Variants in DAAM1 observed in about 807,000 individuals in gnomAD.
The protein encoded by DAAM1 is dishevelled associated activator of morphogenesis 1.
A neutral mutation model predicts 130.0 loss-of-function variants in DAAM1; 52 were observed. The observed-to-expected ratio is 0.40, with a 90% CI of 0.32 to 0.50. DAAM1 has a LOEUF of 0.50. DAAM1 is among the 20% of genes least tolerant of loss of function. The pLI is 0.61. For missense variants in DAAM1, 1,134 were observed against 1,303.8 expected, an observed-to-expected ratio of 0.87 and a Z score of 2.01; for synonymous variants, 452 against 444.5, an observed-to-expected ratio of 1.02 and a Z score of -0.21.
rs533823944 is a variant in DAAM1, at chr14:59,194,906, C to G, written c.-38+6138C>G. Among the ~76,000 whole-genome samples, 14 of 152,310 alleles carry G rather than the reference C, an allele frequency of 9.2e-5. No individual in the cohort carries two copies. The South Asian group carries it at 2.3e-3, about 25-fold the overall frequency. On this transcript the variant is annotated intron_variant, in intron 1 of 24. Coordinates refer to ENST00000360909, the MANE Select transcript of DAAM1 (RefSeq NM_001270520.2). ...TGCGATTTCGTGACTTACAATAGAT[C>G]TTTTCCTTTTGGCTTAAAACTAGAT...
intron 1 of DAAM1, among the ~76,000 whole-genome samples, chr14:59,234,429 T>G (rs770670816): frequency 1.1e-4 from 17 of 152,190 alleles, no homozygotes; most frequent in Non-Finnish European, 2.5e-4. Flanking sequence ...GGCTCTCTGC[T>G]TGTCTATTGG....
At chr14:59,239,634 G>A (rs956876784) in intron 1 of DAAM1, among the ~76,000 whole-genome samples, 8 of 151,696 alleles carry the variant, frequency 5.3e-5, no homozygotes, top group East Asian at 1.9e-4. Context: ...TCCCCACCGC[G>A]CCCCCACCCC....
chr14:59,347,467 G>T, intron 16 of DAAM1, 72 bp from the exon 17 acceptor site: 1 of 1,394,124 alleles, frequency 7.2e-7, no homozygotes, highest in Non-Finnish European at 1.0e-6. Flanking sequence ...AGCAGCTGGG[G>T]TAGCAAAGTG....
chr14:59,353,849 T>G (rs1406278558), intron 18 of DAAM1, 27 bp from the exon 19 acceptor site: 2 of 1,606,078 alleles, frequency 1.2e-6, no homozygotes, highest in African/African-American at 1.3e-5. Context: ...TAAATGAATA[T>G]CAATTAGTAC....
At position 59,298,968 on chromosome 14, in the gene DAAM1, A is replaced by G. The variant is rs528963185; in HGVS notation, c.273+7662A>G. Among the ~76,000 whole-genome samples, 16 of 152,314 alleles carry G rather than the reference A, an allele frequency of 1.1e-4. No homozygotes were observed. In the South Asian group the frequency reaches 2.3e-3, roughly 22 times the overall value. On this transcript the variant is annotated intron_variant, in intron 3 of 24. Transcript: ENST00000360909. ...GAGGCAGCAGTAAGTAAATGTACTC[A>G]TAGGTTGAACCAAAACATTAGCTGT...
At chr14:59,352,665 T>C (rs1301472850) in intron 18 of DAAM1, 33 bp downstream of exon 18, 1 of 1,542,928 alleles carries the variant, frequency 6.5e-7, no homozygotes, top group Non-Finnish European at 8.9e-7. Context: ...TGTGAAGATG[T>C]CACTTCCCTT....
intron 1 of DAAM1, among the ~76,000 whole-genome samples, chr14:59,213,349 CAAAAAAAA>C (rs35496333): frequency 0.034 from 2,414 of 69,996 alleles, 38 homozygotes; most frequent in Non-Finnish European, 0.046. Context: ...CACAGCTTAC[CAAAAAAAA>C]AAAAAAAAAA....
At chr14:59,327,155 G>T (rs1885235605) in intron 12 of DAAM1, among the ~76,000 whole-genome samples, 164 bp downstream of exon 12, 1 of 151,896 alleles carries the variant, frequency 6.6e-6, no homozygotes, top group Admixed American at 6.6e-5. Flanking sequence ...CTTAAATTGA[G>T]CTATTTTAGT....
At position 59,344,888 on chromosome 14, in the gene DAAM1, G is replaced by T. The variant is rs569603445; in HGVS notation, c.2076-2651G>T. On this transcript the variant is annotated intron_variant, in intron 16 of 24. Transcript: ENST00000360909. ...TTTTCTTTTAAATGCAAAACAGAAG[G>T]ACTCAGCAGAACTACACCATAAAAT... 2.6e-5 allele frequency among the ~76,000 whole-genome samples: 4 copies of T among 152,102 alleles called. No homozygotes were observed. The South Asian group carries it at 8.3e-4, about 32-fold the overall frequency.
At chr14:59,226,562 C>G (rs1267600296) in intron 1 of DAAM1, among the ~76,000 whole-genome samples, 1 of 152,050 alleles carries the variant, frequency 6.6e-6, no homozygotes, top group East Asian at 1.9e-4. Flanking sequence ...GACATGATAC[C>G]AAGAGTGCAG....
At chr14:59,216,011 T>C (rs1888567659) in intron 1 of DAAM1, among the ~76,000 whole-genome samples, 1 of 152,162 alleles carries the variant, frequency 6.6e-6, no homozygotes, top group South Asian at 2.1e-4. Flanking sequence ...ATTCCATTCA[T>C]GCACCTTGCA....
intron 1 of DAAM1, among the ~76,000 whole-genome samples, chr14:59,244,972 C>T (rs985024540): frequency 2.6e-5 from 4 of 152,042 alleles, no homozygotes; most frequent in Non-Finnish European, 4.4e-5. Context: ...CCAGTGAAGA[C>T]TGGCTGTCCT....
chr14:59,291,229 C>A lies in DAAM1; in HGVS notation c.196C>A (p.Leu66Ile). 1 of 1,609,734 alleles carries A rather than the reference C, an allele frequency of 6.2e-7. No homozygotes were observed. ...TCTTTCTTCTCAGGATGAACTGGAC[C>A]TCACAGACAAACACAGAGAAGCCAT... The part of the protein sequence containing the change: ...MFSELVDELD[L>I]TDKHREAMFA... The change falls in exon 3 of 25, where the codon CTC becomes ATC. Residue 66 changes from leucine (L) to isoleucine (I), a missense_variant. Transcript: ENST00000360909.
intron 16 of DAAM1, 90 bp downstream of exon 16, chr14:59,340,270 G>T: frequency 8.1e-7 from 1 of 1,235,068 alleles, no homozygotes; most frequent in Non-Finnish European, 1.2e-6. Context: ...TGTTTTAATT[G>T]TACTCTGCTG....
chr14:59,306,397 T>C (rs1884382974), intron 3 of DAAM1, among the ~76,000 whole-genome samples: 1 of 152,180 alleles, frequency 6.6e-6, no homozygotes, highest in Admixed American at 6.5e-5. Flanking sequence ...GGAAAGCAAA[T>C]GCCTTTTTAG....
intron 10 of DAAM1, among the ~76,000 whole-genome samples, chr14:59,326,298 C>A (rs1240453867): frequency 6.6e-6 from 1 of 151,990 alleles, no homozygotes; most frequent in Non-Finnish European, 1.5e-5. Flanking sequence ...AAAAAATATG[C>A]CTTACAACCT....
chr14:59,204,159 G>A (rs538783381), intron 1 of DAAM1, among the ~76,000 whole-genome samples: 14 of 152,332 alleles, frequency 9.2e-5, no homozygotes, highest in Admixed American at 2.6e-4. Context: ...TGGCTTAGTA[G>A]TCTGCACATG....
intron 2 of DAAM1, among the ~76,000 whole-genome samples, chr14:59,279,135 A>T (rs1391262512): frequency 6.6e-6 from 1 of 152,084 alleles, no homozygotes; most frequent in Non-Finnish European, 1.5e-5. Context: ...ATAAATGTTT[A>T]TAGTTGTTAA....
intron 1 of DAAM1, among the ~76,000 whole-genome samples, chr14:59,220,220 A>G (rs1406915907): frequency 6.6e-6 from 1 of 152,178 alleles, no homozygotes; most frequent in Non-Finnish European, 1.5e-5. Flanking sequence ...TGGCGGCTCT[A>G]TTCTCAGGTG....
Sources: allele counts gnomAD v4.1 joint callset (sites outside exome capture counted in the v4.1 genomes callset), GRCh38; gene constraint gnomAD v4.1.1; transcripts MANE v1.5; gene names NCBI Gene and HGNC (gene_info 2026-07-23, HGNC 2026-07-21).